EPHA6: variants seen among roughly 807,000 people sequenced by gnomAD.
EPHA6 encodes EPH receptor A6.
Under a neutral mutation model 112.0 loss-of-function variants are expected in EPHA6, and 50 were observed. The observed-to-expected ratio is 0.45, with a 90% confidence interval of 0.36 to 0.56. The LOEUF is 0.56. Ranked by LOEUF, EPHA6 falls within the 20% of genes least tolerant of loss-of-function variation. EPHA6 has a pLI of 0.00. For synonymous variants in EPHA6, 529 were observed against 490.7 expected, an observed-to-expected ratio of 1.08 and a Z score of -1.03; for missense variants, 1,280 against 1,417.4, an observed-to-expected ratio of 0.90 and a Z score of 1.56.
At chr3:96,849,027 T>G (rs1380161041) in intron 1 of EPHA6, among the ~76,000 whole-genome samples, 2 of 152,142 alleles carry the variant, frequency 1.3e-5, no homozygotes, top group Non-Finnish European at 2.9e-5. Flanking sequence ...GGGGAAAATA[T>G]ATGCTTATCA....
Position 97,754,084 on chromosome 3 carries a change from C to CTTT in EPHA6, c.*5402_*5404dup, listed in dbSNP as rs10559270. Reference sequence around the variant, plus strand: ...AATGTATAAAAAATAACATTTATATCTTTTTTTTTTTTTTTTTTTTTGAGA... The same window carrying CTTT: ...AATGTATAAAAAATAACATTTATATCTTTTTTTTTTTTTTTTTTTTTTTTGAGA... On this transcript the variant is annotated 3_prime_UTR_variant, in exon 18 of 18. Coordinates refer to ENST00000389672, the MANE Select transcript of EPHA6 (RefSeq NM_001080448.3). 3.9e-5 allele frequency among the ~76,000 whole-genome samples: 4 copies of CTTT among 102,050 alleles called. No individual in the cohort carries two copies. The highest frequency in any genetic ancestry group is 6.0e-5 in the Non-Finnish European group (3 of 50,074). The allele number at this position is 102,050 out of a possible 152,430, so 66.9% of individuals were successfully genotyped here.
chr3:97,167,559 G>C (rs1313365823), intron 3 of EPHA6, among the ~76,000 whole-genome samples: 1 of 152,010 alleles, frequency 6.6e-6, no homozygotes, highest in African/African-American at 2.4e-5. Flanking sequence ...ACTTAGACAT[G>C]TCATTAATTT....
rs553794791 is a variant in EPHA6 at position 96,941,173 on chromosome 3, G to A, written c.451-46157G>A. 2.0e-5 allele frequency among the ~76,000 whole-genome samples: 3 copies of A among 152,216 alleles called. No homozygotes were observed. In the South Asian group the frequency reaches 6.2e-4, roughly 32 times the overall value. ...CTTGCTATATTTGGGAAGTTCTCCT[G>A]GATAATATCCTGCAGAGTGTTTTCC... is the stretch of plus-strand genomic sequence containing the variant. On this transcript the variant is annotated intron_variant, in intron 2 of 17. Coordinates refer to ENST00000389672, the MANE Select transcript of EPHA6 (RefSeq NM_001080448.3).
intron 5 of EPHA6, among the ~76,000 whole-genome samples, chr3:97,334,310 A>G (rs2082948228): frequency 6.6e-6 from 1 of 152,012 alleles, no homozygotes; most frequent in Admixed American, 6.6e-5. Flanking sequence ...TAAATGAGTT[A>G]AAAAGCATTC....
intron 3 of EPHA6, among the ~76,000 whole-genome samples, chr3:97,041,610 A>G (rs747751834): frequency 1.7e-4 from 26 of 152,190 alleles, no homozygotes; most frequent in South Asian, 2.1e-4. Context: ...CCTGTAGTCT[A>G]TTCTCACATC....
intron 14 of EPHA6, among the ~76,000 whole-genome samples, chr3:97,688,230 T>G (rs2032395278): frequency 6.6e-6 from 1 of 152,162 alleles, no homozygotes; most frequent in African/African-American, 2.4e-5. Context: ...ATTTATTTCT[T>G]CGAGTATATT....
chr3:97,044,664 G>T (rs2045439681), intron 3 of EPHA6, among the ~76,000 whole-genome samples: 1 of 151,936 alleles, frequency 6.6e-6, no homozygotes, highest in Admixed American at 6.6e-5. Context: ...AAACATTGAA[G>T]GAGAGGATAA....
intron 5 of EPHA6, among the ~76,000 whole-genome samples, chr3:97,327,738 A>T (rs894536790): frequency 6.6e-6 from 1 of 151,328 alleles, no homozygotes; most frequent in Non-Finnish European, 1.5e-5. Context: ...TAACTTTCGG[A>T]TATTTGCTTT....
intron 14 of EPHA6, among the ~76,000 whole-genome samples, chr3:97,663,478 TC>T (rs1167450909): frequency 4.7e-4 from 68 of 145,768 alleles, no homozygotes; most frequent in African/African-American, 1.1e-3. Flanking sequence ...ATGCTATCGC[TC>T]CCCCCTCCCC....
At chr3:97,427,275 G>A (rs2089200681) in intron 6 of EPHA6, among the ~76,000 whole-genome samples, 1 of 152,092 alleles carries the variant, frequency 6.6e-6, no homozygotes, top group Non-Finnish European at 1.5e-5. Flanking sequence ...CAACAGCAAA[G>A]TCATAGAATC....
At chr3:97,042,821 C>T (rs1032892912) in intron 3 of EPHA6, among the ~76,000 whole-genome samples, 1 of 152,124 alleles carries the variant, frequency 6.6e-6, no homozygotes, top group Non-Finnish European at 1.5e-5. Flanking sequence ...CATGTATAAA[C>T]AGTTCAAAAT....
At chr3:96,907,805 G>A (rs879832048) in intron 2 of EPHA6, among the ~76,000 whole-genome samples, 5 of 151,776 alleles carry the variant, frequency 3.3e-5, no homozygotes, top group African/African-American at 7.3e-5. Context: ...ATTGTCAAAA[G>A]TTCATAGTAC....
At chr3:97,340,200 C>T (rs913640084) in intron 5 of EPHA6, among the ~76,000 whole-genome samples, 4 of 152,128 alleles carry the variant, frequency 2.6e-5, no homozygotes, top group Non-Finnish European at 4.4e-5. Context: ...AAATATTTTT[C>T]AGGCAGTTCT....
intron 11 of EPHA6, among the ~76,000 whole-genome samples, chr3:97,566,451 C>A (rs1412594685): frequency 6.6e-6 from 1 of 152,194 alleles, no homozygotes. Flanking sequence ...AAGAATGTTT[C>A]TGCTAAAAAT....
intron 2 of EPHA6, among the ~76,000 whole-genome samples, chr3:96,981,784 AG>A (rs767627537): frequency 2.0e-5 from 3 of 151,912 alleles, no homozygotes; most frequent in Non-Finnish European, 4.4e-5. Flanking sequence ...TAGTCTTGGT[AG>A]GGTGTATGTG....
chr3:97,585,905 T>G (rs2107312480), intron 11 of EPHA6, among the ~76,000 whole-genome samples: 1 of 152,318 alleles, frequency 6.6e-6, no homozygotes, highest in Non-Finnish European at 1.5e-5. Flanking sequence ...CAATAAATAT[T>G]TATGGAATAA....
chr3:96,814,801 G>A lies in EPHA6; in HGVS notation c.178G>A (p.Glu60Lys). ...PAGRVEEEEE[E>K]EEEDVDKDPH... ...GGGCCGGGTGGAGGAGGAAGAGGAG[G>A]AGGAGGAAGAAGACGTGGACAAGGA... The change falls in exon 1 of 18, where the codon GAG becomes AAG. Residue 60 changes from glutamate to lysine, a missense_variant. Transcript: ENST00000389672. 1 of 1,601,888 alleles carries A rather than the reference G, an allele frequency of 6.2e-7. No homozygotes were observed. Among genetic ancestry groups the A allele is most frequent in the Non-Finnish European group, 8.5e-7 (1 of 1,173,508 alleles).
At chr3:97,333,392 G>T (rs1449999370) in intron 5 of EPHA6, among the ~76,000 whole-genome samples, 2 of 147,794 alleles carry the variant, frequency 1.4e-5, no homozygotes, top group African/African-American at 5.0e-5. Flanking sequence ...ATCCCTTGAG[G>T]TTTTTTGTGA....
intron 3 of EPHA6, among the ~76,000 whole-genome samples, chr3:97,118,194 G>A (rs913898024): frequency 2.6e-5 from 4 of 151,624 alleles, no homozygotes; most frequent in Non-Finnish European, 5.9e-5. Flanking sequence ...CTGGTGCTTT[G>A]GACCTTATTT....
Sources: allele counts gnomAD v4.1 joint callset (sites outside exome capture counted in the v4.1 genomes callset), GRCh38; gene constraint gnomAD v4.1.1; transcripts MANE v1.5; gene names NCBI Gene and HGNC (gene_info 2026-07-23, HGNC 2026-07-21).